TRABD2B: variants seen among roughly 807,000 people sequenced by gnomAD.
TRABD2B encodes metalloprotease TIKI2.
In TRABD2B, 14 loss-of-function variants were observed where a neutral mutation model predicts 40.1. The observed-to-expected ratio is 0.35, with a 90% CI of 0.23 to 0.55. TRABD2B has a LOEUF of 0.55. Among genes scored for constraint, TRABD2B ranks in the 20% least tolerant of loss-of-function variants. The probability of loss-of-function intolerance (pLI) is 0.90; values close to 1 mark genes in which losing one functional copy is unlikely to be tolerated. For synonymous variants in TRABD2B, 263 were observed against 277.0 expected (o/e 0.95, Z 0.50); for missense variants, 541 against 648.6 (o/e 0.83, Z 1.80).
intron 2 of TRABD2B, among the ~76,000 whole-genome samples, chr1:47,909,899 G>C (rs12743194): frequency 1 from 147,475 of 147,476 alleles, 73,737 homozygotes; most frequent in Non-Finnish European, 1. Flanking sequence ...GTTACCCAGG[G>C]GGGGGGCTGG....
chr1:47,803,557 T>C (rs1409285146), intron 2 of TRABD2B, among the ~76,000 whole-genome samples: 1 of 152,194 alleles, frequency 6.6e-6, no homozygotes, highest in Non-Finnish European at 1.5e-5. Context: ...GCAGAGACTA[T>C]TCACAATTGT....
chr1:47,803,384 G>T (rs745734577), intron 2 of TRABD2B, among the ~76,000 whole-genome samples: 1 of 152,178 alleles, frequency 6.6e-6, no homozygotes, highest in Non-Finnish European at 1.5e-5. Flanking sequence ...TGATGCTGCT[G>T]CTGCTGTCTG....
At chr1:47,805,018 G>C (rs1005038583) in intron 2 of TRABD2B, among the ~76,000 whole-genome samples, 4 of 152,194 alleles carry the variant, frequency 2.6e-5, no homozygotes, top group Non-Finnish European at 5.9e-5. Flanking sequence ...CTGGAGCCTA[G>C]TTTGAGAACC....
At chr1:47,775,858 G>A (rs1644438882) in intron 5 of TRABD2B, among the ~76,000 whole-genome samples, 1 of 152,118 alleles carries the variant, frequency 6.6e-6, no homozygotes, top group Admixed American at 6.5e-5. Context: ...TGCTACTCAG[G>A]GAAGGTGGTC....
intron 2 of TRABD2B, among the ~76,000 whole-genome samples, chr1:47,829,541 C>T (rs549307638): frequency 6.6e-6 from 1 of 152,232 alleles, no homozygotes; most frequent in Non-Finnish European, 1.5e-5. Flanking sequence ...ACTCCATCCT[C>T]TCCATCACCA....
At position 47,848,017 on chromosome 1, in the gene TRABD2B, G is replaced by A. The variant is rs112845777; in HGVS notation, c.667-46398C>T. 9.0e-3 allele frequency among the ~76,000 whole-genome samples: 1,370 copies of A among 152,216 alleles called. 29 individuals carry two copies. Among genetic ancestry groups the A allele is most frequent in the African/African-American group, 0.031 (1,306 of 41,528 alleles). ...CTTGAGACAAACTCTTCTAAGAGAC[G>A]TCTCTCTCCAGGCTAGGCTGCTCCA... On this transcript the variant is annotated intron_variant, in intron 2 of 6. Transcript: ENST00000606738.
intron 2 of TRABD2B, among the ~76,000 whole-genome samples, chr1:47,835,670 C>T (rs896224188): frequency 1.3e-5 from 2 of 152,214 alleles, no homozygotes; most frequent in African/African-American, 4.8e-5. Flanking sequence ...TCCAGCAAAA[C>T]TATCTCTCAA....
intron 2 of TRABD2B, among the ~76,000 whole-genome samples, chr1:47,909,836 C>CTCT (rs546656456): frequency 1 from 109,300 of 109,636 alleles, 54,482 homozygotes; most frequent in Middle Eastern, 1. Flanking sequence ...TTCTTGCTTT[C>CTCT]TTTCTTTCTT....
Position 47,996,537 on chromosome 1 carries a change from G to A in TRABD2B, c.102+151C>T, listed in dbSNP as rs1181544135. On this transcript the variant is annotated intron_variant, in intron 1 of 6. Transcript: ENST00000606738. The surrounding 1 kb of genome is among the most constrained non-coding windows in gnomAD (Gnocchi z 4.6). The stretch of plus-strand genomic sequence containing the variant: ...CTGGGAGCTGGAGCCGGGACAGGCA[G>A]GAGCGAAGGAAGGGCGCCCGAGGCT... 5 of 895,614 alleles carry A rather than the reference G, an allele frequency of 5.6e-6. No individual in the cohort carries two copies. Among genetic ancestry groups the A allele is most frequent in the African/African-American group, 1.8e-5 (1 of 56,856 alleles). 55.5% of individuals were successfully genotyped at this position (895,614 alleles called of 1,614,324 possible).
intron 2 of TRABD2B, among the ~76,000 whole-genome samples, chr1:47,992,536 C>T (rs1291327229): frequency 6.6e-6 from 1 of 152,196 alleles, no homozygotes; most frequent in African/African-American, 2.4e-5. Context: ...CTCACCTCCC[C>T]ATCCTAAAAA....
rs1258741697 is a variant in TRABD2B at position 47,997,205 on chromosome 1, G to A, written c.-416C>T. ...ACCCGGGGCACGCAAGGGTCCCAGG[G>A]GTGCGCGGCGCTCCAGGAGGCGCGC... On this transcript the variant is annotated 5_prime_UTR_variant, in exon 1 of 7. Transcript: ENST00000606738. 8 of 983,160 alleles carry A rather than the reference G, an allele frequency of 8.1e-6. No homozygotes were observed. Among genetic ancestry groups the A allele is most frequent in the African/African-American group, 1.8e-5 (1 of 56,586 alleles). The allele number at this position is 983,160 out of a possible 1,614,324, so 60.9% of individuals were successfully genotyped here.
chr1:47,897,767 C>T (rs1644543988), intron 2 of TRABD2B, among the ~76,000 whole-genome samples: 2 of 152,122 alleles, frequency 1.3e-5, no homozygotes, highest in Admixed American at 6.5e-5. Flanking sequence ...AGCAGGTACC[C>T]AATGGGCCAG....
chr1:47,829,292 G>A (rs777177294), intron 2 of TRABD2B, among the ~76,000 whole-genome samples: 1 of 152,074 alleles, frequency 6.6e-6, no homozygotes, highest in Non-Finnish European at 1.5e-5. Context: ...CCAGTTCCTG[G>A]AGGGGCTTCA....
In TRABD2B at chr1:47,997,047, C is replaced by A; in HGVS notation, c.-258G>T. The A allele has an allele frequency of 1.0e-6, 1 of 984,508 alleles. No individual in the cohort carries two copies. The highest frequency in any genetic ancestry group is 1.2e-6 in the Non-Finnish European group (1 of 829,634). 61.0% of individuals were successfully genotyped at this position (984,508 alleles called of 1,614,324 possible). Reference sequence around the variant, plus strand: ...CGCTCAACCTCGCTGGCCGAGCCCCCGGGTGCTGAGGGCGTGTTGGGGTCC... The same window carrying A: ...CGCTCAACCTCGCTGGCCGAGCCCCAGGGTGCTGAGGGCGTGTTGGGGTCC... On this transcript the variant is annotated 5_prime_UTR_variant, in exon 1 of 7. Transcript: ENST00000606738.
intron 2 of TRABD2B, among the ~76,000 whole-genome samples, chr1:47,883,781 A>G (rs1029864577): frequency 2.0e-5 from 3 of 152,174 alleles, no homozygotes; most frequent in Admixed American, 1.3e-4. Context: ...TCTCACTTAG[A>G]TGTGTAAGTG....
At chr1:47,858,375 A>G (rs1467923417) in intron 2 of TRABD2B, among the ~76,000 whole-genome samples, 1 of 152,044 alleles carries the variant, frequency 6.6e-6, no homozygotes, top group Non-Finnish European at 1.5e-5. Context: ...CTTCCGCCTC[A>G]GCCTCTTGAG....
At chr1:47,876,581 C>A (rs571194965) in intron 2 of TRABD2B, among the ~76,000 whole-genome samples, 1 of 152,334 alleles carries the variant, frequency 6.6e-6, no homozygotes, top group South Asian at 2.1e-4. Context: ...GGATTCAGAG[C>A]TCTCTGGAGA....
chr1:47,806,700 G>C (rs143333311), intron 2 of TRABD2B, among the ~76,000 whole-genome samples: 1 of 152,290 alleles, frequency 6.6e-6, no homozygotes, highest in African/African-American at 2.4e-5. Flanking sequence ...CTTCAAACGA[G>C]GAACTAGGAA....
intron 2 of TRABD2B, among the ~76,000 whole-genome samples, chr1:47,868,012 A>G (rs1644084768): frequency 6.6e-6 from 1 of 152,210 alleles, no homozygotes; most frequent in African/African-American, 2.4e-5. Context: ...TGAAAGGGGT[A>G]GGAGGTGAAC....
Sources: allele counts gnomAD v4.1 joint callset (sites outside exome capture counted in the v4.1 genomes callset), GRCh38; gene constraint gnomAD v4.1.1; non-coding constraint Gnocchi (gnomAD v3.1); transcripts MANE v1.5; gene names NCBI Gene and HGNC (gene_info 2026-07-23, HGNC 2026-07-21).